Variants in NKAIN2 observed in about 807,000 individuals in gnomAD.
The protein encoded by NKAIN2 is sodium/potassium-transporting ATPase subunit beta-1-interacting protein 2.
NKAIN2 carries 14 observed loss-of-function variants against 32.6 expected under a neutral mutation model. The observed-to-expected ratio is 0.43, with a 90% CI of 0.28 to 0.67. NKAIN2 has a LOEUF of 0.67. NKAIN2 is among the 30% of genes least tolerant of loss of function. The pLI is 0.17. For synonymous variants in NKAIN2, 80 were observed against 87.2 expected, an observed-to-expected ratio of 0.92 and a Z score of 0.46; for missense variants, 198 against 258.3, an observed-to-expected ratio of 0.77 and a Z score of 1.60.
intron 3 of NKAIN2, among the ~76,000 whole-genome samples, chr6:124,438,306 C>T (rs988527566): frequency 1.3e-5 from 2 of 152,090 alleles, no homozygotes; most frequent in African/African-American, 2.4e-5. Flanking sequence ...ACTACACCCA[C>T]TCAGTTTTAG....
chr6:124,726,193 G>A lies in NKAIN2; in HGVS notation c.475-65146G>A, dbSNP rs1203350352. On this transcript the variant is annotated intron_variant, in intron 4 of 6. Transcript: ENST00000368417. ...CAAAGCAGCCAGAAAGCTCCAACTG[G>A]GCGGAGCCCACCACAGCTCAAGGAG... Among the ~76,000 whole-genome samples the A allele has an allele frequency of 2.0e-5, 3 of 152,164 alleles. No individual in the cohort carries two copies. In the East Asian group the frequency reaches 5.8e-4, roughly 29 times the overall value.
At chr6:124,496,004 A>G (rs1230730804) in intron 3 of NKAIN2, among the ~76,000 whole-genome samples, 1 of 152,188 alleles carries the variant, frequency 6.6e-6, no homozygotes, top group Non-Finnish European at 1.5e-5. Flanking sequence ...TCTCTGCATG[A>G]AAACAAATTA....
chr6:124,798,199 T>G (rs1317938469), intron 5 of NKAIN2, among the ~76,000 whole-genome samples: 29 of 152,108 alleles, frequency 1.9e-4, no homozygotes, highest in Admixed American at 1.4e-3. Flanking sequence ...TAAATCACTC[T>G]TCAAACATAA....
chr6:123,825,341 G>T (rs751493100), intron 1 of NKAIN2, among the ~76,000 whole-genome samples: 6 of 152,096 alleles, frequency 3.9e-5, no homozygotes, highest in Non-Finnish European at 7.3e-5. Flanking sequence ...TCTATTATCT[G>T]GGAAGTAGCA....
At chr6:124,334,928 G>A (rs574030865) in intron 2 of NKAIN2, among the ~76,000 whole-genome samples, 1 of 152,290 alleles carries the variant, frequency 6.6e-6, no homozygotes, top group South Asian at 2.1e-4. Flanking sequence ...GCAAGATGGA[G>A]TCAGTTAGGT....
At chr6:123,983,751 T>A (rs997896408) in intron 1 of NKAIN2, among the ~76,000 whole-genome samples, 45 of 151,908 alleles carry the variant, frequency 3.0e-4, no homozygotes, top group African/African-American at 8.0e-4. Flanking sequence ...ATATATTTTT[T>A]TTTTCTAGTA....
At chr6:124,341,707 C>T (rs924339146) in intron 2 of NKAIN2, among the ~76,000 whole-genome samples, 13 of 152,182 alleles carry the variant, frequency 8.5e-5, no homozygotes, top group African/African-American at 3.1e-4. Flanking sequence ...ATTTCTGTCA[C>T]ACTCTGGCTG....
chr6:124,362,643 A>G (rs899896376), intron 3 of NKAIN2, among the ~76,000 whole-genome samples: 1 of 152,194 alleles, frequency 6.6e-6, no homozygotes, highest in Non-Finnish European at 1.5e-5. Context: ...TGCTAAGTTA[A>G]TGTGTCACAT....
At chr6:124,248,922 G>A (rs2689888) in intron 1 of NKAIN2, among the ~76,000 whole-genome samples, 66,233 of 151,918 alleles carry the variant, frequency 0.44, 16,869 homozygotes, top group African/African-American at 0.71. Flanking sequence ...ACCTCAAAGC[G>A]TAACTATCCC....
intron 3 of NKAIN2, among the ~76,000 whole-genome samples, chr6:124,362,347 A>T (rs938099027): frequency 2.6e-5 from 4 of 152,138 alleles, no homozygotes; most frequent in Non-Finnish European, 5.9e-5. Flanking sequence ...CTCTTTCCCA[A>T]ATCTAGAAAT....
At chr6:124,453,315 G>A (rs1776182338) in intron 3 of NKAIN2, among the ~76,000 whole-genome samples, 2 of 74,294 alleles carry the variant, frequency 2.7e-5, no homozygotes, top group African/African-American at 1.6e-4. Context: ...CCTCATACAT[G>A]CATATAAACA....
chr6:124,643,070 A>C (rs561603337), intron 3 of NKAIN2, among the ~76,000 whole-genome samples: 1 of 152,280 alleles, frequency 6.6e-6, no homozygotes, highest in Non-Finnish European at 1.5e-5. Flanking sequence ...TGGTTGCACC[A>C]CATATCTCCT....
intron 1 of NKAIN2, among the ~76,000 whole-genome samples, chr6:123,859,917 C>T (rs1775716437): frequency 6.6e-6 from 1 of 152,274 alleles, no homozygotes; most frequent in Middle Eastern, 3.4e-3. Context: ...CCTCAAACTC[C>T]TGACCTCAAG....
At chr6:124,166,479 C>G (rs796389754) in intron 1 of NKAIN2, among the ~76,000 whole-genome samples, 131 of 150,588 alleles carry the variant, frequency 8.7e-4, no homozygotes, top group Middle Eastern at 7.0e-3. Flanking sequence ...CCTGTTCACT[C>G]TGATGGTAGT....
intron 4 of NKAIN2, among the ~76,000 whole-genome samples, chr6:124,695,312 A>G (rs1220812738): frequency 2.0e-5 from 3 of 152,204 alleles, no homozygotes; most frequent in Admixed American, 6.5e-5. Context: ...ATACAAACGT[A>G]TATGTCAGAG....
chr6:124,220,801 A>G (rs58773779), intron 1 of NKAIN2, among the ~76,000 whole-genome samples: 104 of 152,114 alleles, frequency 6.8e-4, no homozygotes, highest in Admixed American at 1.8e-3. Flanking sequence ...AAAGAGGCCT[A>G]GAATAATTCC....
chr6:123,977,649 ATTTACTGAAT>A (rs1778702480), intron 1 of NKAIN2, among the ~76,000 whole-genome samples: 1 of 152,074 alleles, frequency 6.6e-6, no homozygotes, highest in Non-Finnish European at 1.5e-5. Flanking sequence ...CTGGCAGTTA[ATTTACTGAAT>A]GCCAGAGATC....
At chr6:124,043,934 G>A (rs1562325753) in intron 1 of NKAIN2, among the ~76,000 whole-genome samples, 1 of 152,046 alleles carries the variant, frequency 6.6e-6, no homozygotes, top group Non-Finnish European at 1.5e-5. Context: ...AAACCATAGT[G>A]TATTGCAAAA....
chr6:124,143,222 G>T (rs1471942992), intron 1 of NKAIN2, among the ~76,000 whole-genome samples: 7 of 152,200 alleles, frequency 4.6e-5, no homozygotes, highest in Non-Finnish European at 4.4e-5. Context: ...AATTTGAGAG[G>T]CTGGGGTGGA....
Sources: allele counts gnomAD v4.1 joint callset (sites outside exome capture counted in the v4.1 genomes callset), GRCh38; gene constraint gnomAD v4.1.1; transcripts MANE v1.5; gene names NCBI Gene and HGNC (gene_info 2026-07-23, HGNC 2026-07-21).